The following STAU2 variants were observed in gnomAD, a reference collection of about 807,000 sequenced individuals.
STAU2 encodes the protein double-stranded RNA-binding protein Staufen homolog 2.
STAU2 carries 20 observed loss-of-function variants against 65.9 expected under a neutral mutation model. The ratio of observed to expected loss-of-function variants is 0.30; its 90% CI spans 0.21 to 0.44. The LOEUF (loss-of-function observed/expected upper bound fraction) is 0.44. Among genes scored for constraint, STAU2 ranks in the 20% least tolerant of loss-of-function variants. The probability of loss-of-function intolerance (pLI) is 1.00; values close to 1 mark genes in which losing one functional copy is unlikely to be tolerated. For missense variants in STAU2, 558 were observed against 683.9 expected (o/e 0.82, Z 2.05); for synonymous variants, 232 against 233.9 (o/e 0.99, Z 0.07).
At chr8:73,436,446 C>T (rs1817690939) in intron 13 of STAU2, among the ~76,000 whole-genome samples, 1 of 151,660 alleles carries the variant, frequency 6.6e-6, no homozygotes, top group Admixed American at 6.6e-5. Flanking sequence ...GTATATTTAT[C>T]TATTTATATT....
chr8:73,704,506 T>A (rs1020840348), intron 4 of STAU2, among the ~76,000 whole-genome samples: 1 of 149,816 alleles, frequency 6.7e-6, no homozygotes, highest in Non-Finnish European at 1.5e-5. Flanking sequence ...TTAAAGGTCC[T>A]TATCAGTTAC....
chr8:73,425,921 T>C (rs930434822), intron 13 of STAU2, among the ~76,000 whole-genome samples: 23 of 152,010 alleles, frequency 1.5e-4, no homozygotes, highest in African/African-American at 4.8e-4. Context: ...GCCTCCTGAG[T>C]AGTTGGGATT....
intron 13 of STAU2, among the ~76,000 whole-genome samples, chr8:73,533,530 A>G (rs1474307441): frequency 1.3e-5 from 2 of 152,216 alleles, no homozygotes; most frequent in Non-Finnish European, 2.9e-5. Flanking sequence ...TGACTTTGCC[A>G]GTCTAAAGAC....
At chr8:73,584,786 G>T (rs1810243194) in intron 11 of STAU2, among the ~76,000 whole-genome samples, 1 of 152,178 alleles carries the variant, frequency 6.6e-6, no homozygotes, top group Admixed American at 6.5e-5. Context: ...GGCCAGGATG[G>T]AAAGGACTAC....
chr8:73,678,109 C>G lies in STAU2; in HGVS notation c.275-4867G>C, dbSNP rs151322469. 2.0e-5 allele frequency among the ~76,000 whole-genome samples: 3 copies of G among 152,268 alleles called. No individual in the cohort carries two copies. The East Asian group carries it at 5.8e-4, about 29-fold the overall frequency. ...CATACAGTACTCAATGCACGTGAGT[C>G]TCTTTCTTTCTTCACCCATAAACTA... is the stretch of plus-strand genomic sequence containing the variant. On this transcript the variant is annotated intron_variant, in intron 5 of 14. Coordinates refer to ENST00000524300, the MANE Select transcript of STAU2 (RefSeq NM_001164380.2).
chr8:73,736,278 T>A (rs185239286), intron 3 of STAU2, among the ~76,000 whole-genome samples: 1 of 152,330 alleles, frequency 6.6e-6, no homozygotes, highest in East Asian at 1.9e-4. Flanking sequence ...CTTGCTTTAG[T>A]GACAACTCTA....
intron 13 of STAU2, among the ~76,000 whole-genome samples, chr8:73,442,148 A>T (rs1387639359): frequency 6.6e-6 from 1 of 151,984 alleles, no homozygotes; most frequent in Non-Finnish European, 1.5e-5. Flanking sequence ...AGGTCAGGAG[A>T]TCGAGATCAT....
At chr8:73,526,903 C>T (rs1805491461) in intron 13 of STAU2, among the ~76,000 whole-genome samples, 2 of 152,084 alleles carry the variant, frequency 1.3e-5, no homozygotes, top group Non-Finnish European at 2.9e-5. Flanking sequence ...AACTTTATTT[C>T]AATAATATCC....
chr8:73,721,676 G>A (rs1331267545), intron 3 of STAU2, among the ~76,000 whole-genome samples: 1 of 152,054 alleles, frequency 6.6e-6, no homozygotes, highest in Non-Finnish European at 1.5e-5. Context: ...TTTATCCCTG[G>A]AAATATTCCT....
intron 3 of STAU2, among the ~76,000 whole-genome samples, chr8:73,725,302 T>G (rs1805546940): frequency 6.6e-6 from 1 of 152,244 alleles, no homozygotes; most frequent in African/African-American, 2.4e-5. Flanking sequence ...ACTATTTTTA[T>G]TTTGTCGTAT....
chr8:73,649,413 C>A (rs1208743750), intron 6 of STAU2, among the ~76,000 whole-genome samples: 2 of 152,116 alleles, frequency 1.3e-5, no homozygotes, highest in African/African-American at 2.4e-5. Context: ...GTCCAGGTTG[C>A]CGACCCTGAT....
chr8:73,524,961 G>A (rs866755791), intron 13 of STAU2, among the ~76,000 whole-genome samples: 4 of 152,266 alleles, frequency 2.6e-5, no homozygotes, highest in Middle Eastern at 3.4e-3. Context: ...GCAACATAAT[G>A]TAGAAAAGCC....
At chr8:73,492,178 T>C (rs868666345) in intron 13 of STAU2, among the ~76,000 whole-genome samples, 2 of 152,078 alleles carry the variant, frequency 1.3e-5, no homozygotes, top group Middle Eastern at 6.8e-3. Context: ...ATTTCTTTGT[T>C]ACTGACTCAG....
At chr8:73,537,186 G>GA (rs554852848) in intron 13 of STAU2, among the ~76,000 whole-genome samples, 86 of 152,018 alleles carry the variant, frequency 5.7e-4, no homozygotes, top group Admixed American at 1.7e-3. Context: ...TCCCCAATCT[G>GA]AAAAACAGAG....
chr8:73,741,714 T>C (rs967567736), intron 1 of STAU2, among the ~76,000 whole-genome samples: 6 of 152,120 alleles, frequency 3.9e-5, no homozygotes, highest in Non-Finnish European at 7.4e-5. Flanking sequence ...GGTTTCACCA[T>C]GTTGGCCAGG....
At chr8:73,740,607 C>A (rs1806782141) in intron 1 of STAU2, among the ~76,000 whole-genome samples, 1 of 152,074 alleles carries the variant, frequency 6.6e-6, no homozygotes. Flanking sequence ...ACAAACACAA[C>A]CAATCATCTT....
At chr8:73,582,060 T>C (rs1425960201) in intron 12 of STAU2, among the ~76,000 whole-genome samples, 1 of 152,200 alleles carries the variant, frequency 6.6e-6, no homozygotes, top group Non-Finnish European at 1.5e-5. Context: ...ATAGATACTT[T>C]TCAGGAAGTG....
rs976016501 is a variant in STAU2 at position 73,560,879 on chromosome 8, G to A, written c.1223-8560C>T. 4.6e-5 allele frequency among the ~76,000 whole-genome samples: 7 copies of A among 152,166 alleles called. No individual in the cohort carries two copies. The East Asian group carries it at 7.7e-4, about 17-fold the overall frequency. The stretch of plus-strand genomic sequence containing the variant: ...TTGTACCTTAGTCAAATAAAAGTGC[G>A]AGTGAGTTTTCAAATTCAGGACTGG... On this transcript the variant is annotated intron_variant, in intron 12 of 14. Transcript: ENST00000524300.
chr8:73,656,773 A>C (rs1260388919), intron 6 of STAU2, among the ~76,000 whole-genome samples: 1 of 152,208 alleles, frequency 6.6e-6, no homozygotes, highest in South Asian at 2.1e-4. Context: ...ATCTGCCTTT[A>C]TTTCTCAACT....
Sources: gnomAD v4.1 joint callset for allele counts (sites outside exome capture counted in the v4.1 genomes callset) on GRCh38, gnomAD v4.1.1 for gene constraint, MANE v1.5 for transcripts, NCBI Gene and HGNC (gene_info 2026-07-23, HGNC 2026-07-21) for gene names.